BBX: variants seen among roughly 807,000 people sequenced by gnomAD.
BBX encodes the protein BBX high mobility group box domain containing.
Under a neutral mutation model 100.2 loss-of-function variants are expected in BBX, and 30 were observed. The observed-to-expected ratio is 0.30, with a 90% CI of 0.22 to 0.41. The LOEUF (loss-of-function observed/expected upper bound fraction) is 0.41. BBX is among the 10% of genes least tolerant of loss of function. The pLI is 1.00. For missense variants in BBX, 1,023 were observed against 1,129.8 expected, an observed-to-expected ratio of 0.91 and a Z score of 1.35; for synonymous variants, 376 against 388.1, an observed-to-expected ratio of 0.97 and a Z score of 0.37.
chr3:107,766,345 G>A (rs75076045), intron 10 of BBX, among the ~76,000 whole-genome samples: 2,623 of 152,190 alleles, frequency 0.017, 63 homozygotes, highest in African/African-American at 0.059. Flanking sequence ...GTATGGTATC[G>A]ACTGTTAAGA....
At chr3:107,709,381 C>T (rs1455773115) in intron 3 of BBX, among the ~76,000 whole-genome samples, 1 of 152,124 alleles carries the variant, frequency 6.6e-6, no homozygotes, top group African/African-American at 2.4e-5. Flanking sequence ...GTTCATTAAT[C>T]CCAGTTTCTG....
At chr3:107,525,566 C>T (rs902272707) in intron 1 of BBX, 4 of 152,482 alleles carry the variant, frequency 2.6e-5, no homozygotes, top group African/African-American at 9.6e-5. Context: ...CTTTCTCCCA[C>T]TGCCTCTGCC....
intron 3 of BBX, among the ~76,000 whole-genome samples, chr3:107,696,252 G>T (rs372135992): frequency 6.6e-6 from 1 of 151,740 alleles, no homozygotes; most frequent in Admixed American, 6.5e-5. Flanking sequence ...ATGTTAGCTG[G>T]TTATTTTGCT....
At position 107,584,118 on chromosome 3, in the gene BBX, TAA is replaced by T. The variant is rs1396367249; in HGVS notation, c.-84+57721_-84+57722del. Among the ~76,000 whole-genome samples the T allele has an allele frequency of 1.6e-4, 4 of 25,328 alleles. 1 individual carries two copies. Among genetic ancestry groups the T allele is most frequent in the South Asian group, 6.2e-4 (1 of 1,608 alleles). 16.6% of individuals were successfully genotyped at this position (25,328 alleles called of 152,430 possible). ...TATTATATATATTATATATTATATA[TAA>T]TATATATATTATTATATATATTATA... On this transcript the variant is annotated intron_variant, in intron 2 of 17. Coordinates refer to ENST00000325805, the MANE Select transcript of BBX (RefSeq NM_001142568.3).
chr3:107,737,914 T>TTTTTTTTTTTTTTTTTTTTTC (rs2063768754), intron 7 of BBX, among the ~76,000 whole-genome samples: 1 of 135,800 alleles, frequency 7.4e-6, no homozygotes, highest in Non-Finnish European at 1.6e-5. Context: ...TTTTTTTTTT[T>TTTTTTTTTTTTTTTTTTTTTC]AACTATTTGT....
chr3:107,778,839 T>C (rs954526707), intron 13 of BBX, among the ~76,000 whole-genome samples: 3 of 151,536 alleles, frequency 2.0e-5, no homozygotes, highest in African/African-American at 7.3e-5. Context: ...GAACAGAAAC[T>C]GCAGGTTGAG....
intron 3 of BBX, among the ~76,000 whole-genome samples, chr3:107,654,834 G>A (rs1352758503): frequency 6.6e-6 from 1 of 152,066 alleles, no homozygotes; most frequent in African/African-American, 2.4e-5. Context: ...GTGAAATGGG[G>A]CAAATACCTG....
chr3:107,735,002 C>G (rs898461291), intron 7 of BBX, among the ~76,000 whole-genome samples: 1 of 152,126 alleles, frequency 6.6e-6, no homozygotes, highest in Non-Finnish European at 1.5e-5. Flanking sequence ...GCAGTTAGGT[C>G]TTTAAGAATC....
At chr3:107,803,842 C>T (rs1186224466) in intron 17 of BBX, among the ~76,000 whole-genome samples, 2 of 152,144 alleles carry the variant, frequency 1.3e-5, no homozygotes, top group Non-Finnish European at 2.9e-5. Flanking sequence ...ATAGTCCTCT[C>T]CCACTGTGAT....
Position 107,700,178 on chromosome 3 carries a change from A to G in BBX, c.-9-10274A>G, listed in dbSNP as rs114073349. Among the ~76,000 whole-genome samples the G allele has an allele frequency of 1.4e-3, 207 of 151,986 alleles. 1 individual carries two copies. The highest frequency in any genetic ancestry group is 2.5e-3 in the Non-Finnish European group (169 of 68,038). ...ATAGACTGAAGGAGTAGAATAAACT[A>G]TTGACAGTTCATCAAAGTAACTAAA... is the stretch of plus-strand genomic sequence containing the variant. On this transcript the variant is annotated intron_variant, in intron 3 of 17. Coordinates refer to ENST00000325805, the MANE Select transcript of BBX (RefSeq NM_001142568.3).
chr3:107,722,323 T>C (rs2062600732), intron 5 of BBX, among the ~76,000 whole-genome samples: 1 of 152,022 alleles, frequency 6.6e-6, no homozygotes, highest in South Asian at 2.1e-4. Context: ...AATTTTTAGA[T>C]TGACAGATCT....
chr3:107,772,274 A>G (rs992586380), intron 10 of BBX, among the ~76,000 whole-genome samples: 1 of 152,196 alleles, frequency 6.6e-6, no homozygotes, highest in African/African-American at 2.4e-5. Context: ...TAAGTGATTC[A>G]TTCTGGGTCA....
chr3:107,705,748 C>T (rs1358686539), intron 3 of BBX, among the ~76,000 whole-genome samples: 2 of 152,154 alleles, frequency 1.3e-5, no homozygotes, highest in Non-Finnish European at 2.9e-5. Flanking sequence ...CTTCTAGACA[C>T]TGTGCTGGGT....
chr3:107,556,945 GA>G (rs1229985560), intron 2 of BBX, among the ~76,000 whole-genome samples: 2 of 152,106 alleles, frequency 1.3e-5, no homozygotes, highest in African/African-American at 4.8e-5. Context: ...GAAGTTTCTA[GA>G]ATGCTTTATC....
intron 2 of BBX, among the ~76,000 whole-genome samples, chr3:107,638,156 A>G (rs2056962026): frequency 1.3e-5 from 2 of 151,980 alleles, no homozygotes; most frequent in African/African-American, 2.4e-5. Context: ...GAATCAAGCA[A>G]TCCTTCCACC....
At chr3:107,757,851 A>T (rs940883125) in intron 10 of BBX, among the ~76,000 whole-genome samples, 1 of 152,230 alleles carries the variant, frequency 6.6e-6, no homozygotes, top group Non-Finnish European at 1.5e-5. Flanking sequence ...AGAATTGGTG[A>T]TGGTGTCTGC....
rs771087776 is a variant in BBX, at chr3:107,769,014, G to T, written c.907-3614G>T. 8.4e-3 allele frequency among the ~76,000 whole-genome samples: 1,270 copies of T among 150,482 alleles called. 12 individuals are homozygous for T. Among genetic ancestry groups the T allele is most frequent in the Non-Finnish European group, 0.014 (970 of 67,638 alleles). ...TTCTCTACGGGTGGGGGGCGGCGGG[G>T]GGGGGGAGCCGGGCATAGTGGCATG... is the stretch of plus-strand genomic sequence containing the variant. On this transcript the variant is annotated intron_variant, in intron 10 of 17. Coordinates refer to ENST00000325805, the MANE Select transcript of BBX (RefSeq NM_001142568.3).
chr3:107,791,053 T>G (rs2068967448), intron 14 of BBX, among the ~76,000 whole-genome samples, 187 bp from the exon 15 acceptor site: 1 of 152,168 alleles, frequency 6.6e-6, no homozygotes, highest in Non-Finnish European at 1.5e-5. Flanking sequence ...TTTTAATCCA[T>G]TTTCTGTACA....
intron 2 of BBX, among the ~76,000 whole-genome samples, chr3:107,564,261 C>T (rs1214677661): frequency 6.6e-6 from 1 of 151,956 alleles, no homozygotes; most frequent in East Asian, 1.9e-4. Context: ...TTTGAATGAG[C>T]TTTACATATA....
Sources: allele counts gnomAD v4.1 joint callset (sites outside exome capture counted in the v4.1 genomes callset), GRCh38; gene constraint gnomAD v4.1.1; transcripts MANE v1.5; gene names NCBI Gene and HGNC (gene_info 2026-07-23, HGNC 2026-07-21).